The following LINGO2 variants were observed in gnomAD, a reference collection of about 807,000 sequenced individuals.
LINGO2 encodes leucine rich repeat and Ig domain containing 2, also known as leucine-rich repeat and immunoglobulin-like domain-containing nogo receptor-interacting protein 2.
LINGO2 carries 14 observed loss-of-function variants against 30.6 expected under a neutral mutation model. The ratio of observed to expected loss-of-function variants is 0.46; its 90% CI spans 0.30 to 0.72. The LOEUF is 0.72. Among genes scored for constraint, LINGO2 ranks in the 30% least tolerant of loss-of-function variants. LINGO2 has a pLI of 0.07. For missense variants in LINGO2, 729 were observed against 751.7 expected (o/e 0.97, Z 0.35); for synonymous variants, 317 against 288.5 (o/e 1.10, Z -1.00).
chr9:28,103,738 T>C (rs563152776), intron 4 of LINGO2, among the ~76,000 whole-genome samples: 12 of 152,310 alleles, frequency 7.9e-5, no homozygotes, highest in African/African-American at 2.4e-4. Context: ...ACTTGACATA[T>C]TGTGAAAAAT....
the LINGO2 span, among the ~76,000 whole-genome samples, chr9:28,779,827 C>T: frequency 8.5e-5 from 13 of 152,220 alleles, no homozygotes; most frequent in Non-Finnish European, 1.5e-4. Flanking sequence ...TAACCTGATA[C>T]TGACTCACAG....
chr9:27,997,405 C>G (rs897124331), intron 5 of LINGO2, among the ~76,000 whole-genome samples: 1 of 152,118 alleles, frequency 6.6e-6, no homozygotes, highest in Non-Finnish European at 1.5e-5. Context: ...CCCCTCCCCC[C>G]GTCATAAGTG....
intron 4 of LINGO2, among the ~76,000 whole-genome samples, chr9:28,248,703 C>A (rs995037588): frequency 6.6e-6 from 1 of 152,120 alleles, no homozygotes; most frequent in African/African-American, 2.4e-5. Flanking sequence ...CATTGCATGC[C>A]TGTACCACAG....
chr9:28,556,165 G>A (rs1193916519), intron 1 of LINGO2, among the ~76,000 whole-genome samples: 1 of 151,956 alleles, frequency 6.6e-6, no homozygotes, highest in Non-Finnish European at 1.5e-5. Context: ...GCAGGAGAAG[G>A]AAATAAAGGG....
At chr9:28,179,485 A>G (rs563578284) in intron 4 of LINGO2, among the ~76,000 whole-genome samples, 5 of 137,328 alleles carry the variant, frequency 3.6e-5, no homozygotes, top group African/African-American at 1.3e-4. Flanking sequence ...TATAGTTTAT[A>G]GTATATATAC....
chr9:29,006,647 TC>T, the LINGO2 span, among the ~76,000 whole-genome samples: 1 of 152,106 alleles, frequency 6.6e-6, no homozygotes, highest in East Asian at 1.9e-4. Flanking sequence ...TTTTTCTTTT[TC>T]TTGTAGCAAC....
At chr9:28,136,380 C>G (rs1827518265) in intron 4 of LINGO2, among the ~76,000 whole-genome samples, 1 of 152,194 alleles carries the variant, frequency 6.6e-6, no homozygotes, top group African/African-American at 2.4e-5. Flanking sequence ...GGTTCCCACA[C>G]AGGGTCTTCA....
In LINGO2 at chr9:28,316,272, A is replaced by C. The variant is rs148625745; in HGVS notation, c.-245-20906T>G. On this transcript the variant is annotated intron_variant, in intron 3 of 5. Transcript: ENST00000379992. The stretch of plus-strand genomic sequence containing the variant: ...TAAAATTTAATGACTGTACAATGAA[A>C]TATATAGTGAGGAGATATGTATTTC... Among the ~76,000 whole-genome samples the C allele has an allele frequency of 3.8e-4, 58 of 152,230 alleles. No individual in the cohort carries two copies. The East Asian group carries it at 9.8e-3, about 26-fold the overall frequency.
chr9:28,728,823 T>C, the LINGO2 span, among the ~76,000 whole-genome samples: 12 of 152,104 alleles, frequency 7.9e-5, no homozygotes, highest in Non-Finnish European at 1.8e-4. Flanking sequence ...ATATATAATA[T>C]AAATCATTCC....
chr9:28,302,658 G>A (rs1194304267), intron 3 of LINGO2, among the ~76,000 whole-genome samples: 2 of 152,162 alleles, frequency 1.3e-5, no homozygotes, highest in African/African-American at 4.8e-5. Flanking sequence ...GCAACTGAGT[G>A]AGAACCTGTC....
At chr9:28,085,011 C>T (rs1246201038) in intron 4 of LINGO2, among the ~76,000 whole-genome samples, 1 of 152,092 alleles carries the variant, frequency 6.6e-6, no homozygotes. Flanking sequence ...CACATAATAT[C>T]TAATTTAATC....
At chr9:28,232,749 C>T (rs1057255344) in intron 4 of LINGO2, among the ~76,000 whole-genome samples, 1 of 151,608 alleles carries the variant, frequency 6.6e-6, no homozygotes, top group African/African-American at 2.4e-5. Flanking sequence ...ACCCTTGGAC[C>T]ACCATTTCCC....
intron 2 of LINGO2, among the ~76,000 whole-genome samples, chr9:28,457,015 G>A (rs1168436910): frequency 1.3e-5 from 2 of 152,134 alleles, no homozygotes; most frequent in African/African-American, 2.4e-5. Context: ...TGGAGAGAGA[G>A]TACATTCCTG....
At chr9:27,955,005 C>T (rs151225128) in intron 5 of LINGO2, among the ~76,000 whole-genome samples, 110 of 152,224 alleles carry the variant, frequency 7.2e-4, no homozygotes, top group African/African-American at 2.6e-3. Flanking sequence ...TGATTACTGA[C>T]GTTGAGCATG....
At chr9:28,935,201 C>T in the LINGO2 span, among the ~76,000 whole-genome samples, 1 of 152,208 alleles carries the variant, frequency 6.6e-6, no homozygotes, top group Admixed American at 6.5e-5. Flanking sequence ...GGGTATATAT[C>T]ATGAAGTGTC....
chr9:28,690,398 T>C, the LINGO2 span, among the ~76,000 whole-genome samples: 1 of 152,138 alleles, frequency 6.6e-6, no homozygotes, highest in Middle Eastern at 3.2e-3. Flanking sequence ...TTCCAGCTGC[T>C]AAACTTGTGG....
chr9:28,701,941 C>G, the LINGO2 span, among the ~76,000 whole-genome samples: 1 of 151,796 alleles, frequency 6.6e-6, no homozygotes, highest in Non-Finnish European at 1.5e-5. Context: ...TTCTTTAATG[C>G]TGATATATGG....
chr9:28,198,064 A>G (rs34816751), intron 4 of LINGO2, among the ~76,000 whole-genome samples: 13,389 of 151,136 alleles, frequency 0.089, 719 homozygotes, highest in Middle Eastern at 0.15. Context: ...GAGCACAGCA[A>G]TCAAAATTAC....
At chr9:28,453,652 CAGATTTATAGA>C (rs1231144344) in intron 2 of LINGO2, among the ~76,000 whole-genome samples, 2 of 151,868 alleles carry the variant, frequency 1.3e-5, no homozygotes, top group East Asian at 3.9e-4. Flanking sequence ...TGGTCTAATT[CAGATTTATAGA>C]AAATCATACC....
Sources: allele counts gnomAD v4.1 joint callset (sites outside exome capture counted in the v4.1 genomes callset), GRCh38; gene constraint gnomAD v4.1.1; transcripts MANE v1.5; gene names NCBI Gene and HGNC (gene_info 2026-07-23, HGNC 2026-07-21).